VPS13D: variants seen among roughly 807,000 people sequenced by gnomAD.
VPS13D encodes the protein intermembrane lipid transfer protein VPS13D.
Under a neutral mutation model 461.9 loss-of-function variants are expected in VPS13D, and 187 were observed. The observed-to-expected ratio is 0.40, with a 90% confidence interval of 0.36 to 0.46. The LOEUF is 0.46. Ranked by LOEUF, VPS13D falls within the 20% of genes least tolerant of loss-of-function variation. VPS13D has a pLI of 0.60. For missense variants in VPS13D, 4,711 were observed against 5,364.9 expected (o/e 0.88, Z 3.81); for synonymous variants, 1,951 against 1,986.3 (o/e 0.98, Z 0.47).
intron 20 of VPS13D, among the ~76,000 whole-genome samples, chr1:12,281,382 C>G (rs1020832046): frequency 6.6e-6 from 1 of 151,748 alleles, no homozygotes; most frequent in Non-Finnish European, 1.5e-5. Flanking sequence ...TCTTTTTTGT[C>G]CCCCCATGTC....
At chr1:12,381,922 T>TTTTCTTTTCTTTTC (rs71570104) in intron 57 of VPS13D, among the ~76,000 whole-genome samples, 70 of 101,252 alleles carry the variant, frequency 6.9e-4, no homozygotes, top group Admixed American at 2.1e-3. Flanking sequence ...CTTTCTTTTC[T>TTTTCTTTTCTTTTC]TTTCTTTCTT....
At chr1:12,302,443 C>T (rs977563353) in intron 25 of VPS13D, among the ~76,000 whole-genome samples, 12 of 152,084 alleles carry the variant, frequency 7.9e-5, no homozygotes, top group African/African-American at 2.7e-4. Context: ...AAGTTAGCCT[C>T]GGCAGAAGAA....
At chr1:12,410,986 A>G (rs1009412494) in intron 63 of VPS13D, among the ~76,000 whole-genome samples, 1 of 152,244 alleles carries the variant, frequency 6.6e-6, no homozygotes, top group Non-Finnish European at 1.5e-5. Flanking sequence ...TCTATCTGGT[A>G]AAAAGCTACA....
chr1:12,313,204 C>T (rs2101503997), intron 29 of VPS13D, among the ~76,000 whole-genome samples: 2 of 152,146 alleles, frequency 1.3e-5, no homozygotes, highest in South Asian at 4.2e-4. Context: ...TGAAAGTCCG[C>T]CACGGTCTGT....
intron 52 of VPS13D, among the ~76,000 whole-genome samples, chr1:12,363,737 G>A (rs1279574488): frequency 1.3e-5 from 2 of 151,870 alleles, no homozygotes; most frequent in East Asian, 1.9e-4. Flanking sequence ...GGCGGATCAC[G>A]AGGTCAAGAG....
At chr1:12,287,719 G>A (rs1250354931) in intron 21 of VPS13D, among the ~76,000 whole-genome samples, 1 of 152,102 alleles carries the variant, frequency 6.6e-6, no homozygotes, top group Non-Finnish European at 1.5e-5. Flanking sequence ...TCTTCTATTT[G>A]TAGTTGTCCC....
intron 10 of VPS13D, among the ~76,000 whole-genome samples, chr1:12,260,101 C>G (rs1035399935): frequency 7.2e-6 from 1 of 139,126 alleles, no homozygotes; most frequent in Non-Finnish European, 1.5e-5. Flanking sequence ...TCTCCACTCA[C>G]TGCAGGCTCC....
At chr1:12,262,539 C>T (rs1015157588) in intron 13 of VPS13D, among the ~76,000 whole-genome samples, 1 of 152,150 alleles carries the variant, frequency 6.6e-6, no homozygotes, top group Non-Finnish European at 1.5e-5. Context: ...GCCATGCGGT[C>T]ATGAGGTAAG....
chr1:12,334,602 A>G (rs936384711), intron 38 of VPS13D, among the ~76,000 whole-genome samples: 4 of 152,236 alleles, frequency 2.6e-5, no homozygotes, highest in African/African-American at 9.6e-5. Context: ...CCTTGTCTCT[A>G]CAAAAATAAA....
At chr1:12,254,068 G>T (rs1320166296) in intron 7 of VPS13D, among the ~76,000 whole-genome samples, 2 of 152,120 alleles carry the variant, frequency 1.3e-5, no homozygotes, top group Non-Finnish European at 2.9e-5. Flanking sequence ...GTTTTCTTTG[G>T]TTTATTTTAT....
intron 25 of VPS13D, among the ~76,000 whole-genome samples, chr1:12,301,028 G>C (rs556404913): frequency 3.9e-5 from 6 of 152,294 alleles, no homozygotes; most frequent in Middle Eastern, 3.4e-3. Flanking sequence ...GATGGCCTTT[G>C]AGATGTATGT....
chr1:12,258,141 A>G, intron 10 of VPS13D, 38 bp downstream of exon 10: 1 of 1,606,422 alleles, frequency 6.2e-7, no homozygotes. Context: ...TGTCTTATTC[A>G]GAAGATAAGA....
rs150054666 is a variant in VPS13D at position 12,270,495 on chromosome 1, C to A, written c.1973-499C>A. 4.8e-3 allele frequency among the ~76,000 whole-genome samples: 727 copies of A among 152,166 alleles called. 7 individuals are homozygous for A. Among genetic ancestry groups the A allele is most frequent in the African/African-American group, 0.016 (657 of 41,506 alleles). On this transcript the variant is annotated intron_variant, in intron 16 of 69. Coordinates refer to ENST00000620676, the MANE Select transcript of VPS13D (RefSeq NM_015378.4). ...AAAAAAAGAATATAGAAGGCATTTC[C>A]TTTGAAATTCCATTTTCTCTTTCAG...
chr1:12,512,010 T>A lies in VPS13D; in HGVS notation c.*2986T>A, dbSNP rs1170886719. Reference sequence around the variant, plus strand: ...GTTCTCATATCAGAGTCATCATTTTTCTTCCTGTGGAATAAAATGCCTTGT... The same window carrying A: ...GTTCTCATATCAGAGTCATCATTTTACTTCCTGTGGAATAAAATGCCTTGT... On this transcript the variant is annotated 3_prime_UTR_variant, in exon 70 of 70. Coordinates refer to ENST00000620676, the MANE Select transcript of VPS13D (RefSeq NM_015378.4). The A allele has an allele frequency of 6.6e-6, 1 of 152,280 alleles. No individual in the cohort carries two copies. The highest frequency in any genetic ancestry group is 1.5e-5 in the Non-Finnish European group (1 of 68,058). The allele number at this position is 152,280 out of a possible 1,614,324, so 9.4% of individuals were successfully genotyped here.
chr1:12,311,709 G>C, intron 28 of VPS13D, 84 bp downstream of exon 28: 1 of 1,586,058 alleles, frequency 6.3e-7, no homozygotes, highest in Non-Finnish European at 8.6e-7. Flanking sequence ...AACTCACTTG[G>C]AGAAAGAAGG....
chr1:12,421,025 G>A (rs981401417), intron 65 of VPS13D, among the ~76,000 whole-genome samples: 1 of 152,104 alleles, frequency 6.6e-6, no homozygotes, highest in South Asian at 2.1e-4. Context: ...CAAAAGAAAC[G>A]TCTCATTTCA....
chr1:12,357,821 T>G (rs539433200), intron 49 of VPS13D, among the ~76,000 whole-genome samples: 62 of 152,220 alleles, frequency 4.1e-4, no homozygotes, highest in African/African-American at 1.4e-3. Flanking sequence ...CTGGCCAACG[T>G]GGTGAAACCC....
At chr1:12,266,268 G>A (rs1347588102) in intron 13 of VPS13D, among the ~76,000 whole-genome samples, 2 of 152,204 alleles carry the variant, frequency 1.3e-5, no homozygotes, top group Non-Finnish European at 2.9e-5. Context: ...CTGTGGTTTT[G>A]AAAGAAATTC....
At chr1:12,478,186 AAC>A (rs1350451966) in intron 67 of VPS13D, among the ~76,000 whole-genome samples, 1 of 152,252 alleles carries the variant, frequency 6.6e-6, no homozygotes, top group African/African-American at 2.4e-5. Flanking sequence ...GTCATGAGCA[AAC>A]AGTCAGTGCC....
Sources: allele counts gnomAD v4.1 joint callset (sites outside exome capture counted in the v4.1 genomes callset), GRCh38; gene constraint gnomAD v4.1.1; transcripts MANE v1.5; gene names NCBI Gene and HGNC (gene_info 2026-07-23, HGNC 2026-07-21).